The following GMDS variants were observed in gnomAD, a reference collection of about 807,000 sequenced individuals.
The protein encoded by GMDS is GDP-mannose 4,6-dehydratase, also known as GDP-mannose 4,6 dehydratase.
A neutral mutation model predicts 49.9 loss-of-function variants in GMDS; 20 were observed. The observed-to-expected ratio is 0.40, with a 90% CI of 0.28 to 0.58. The LOEUF (loss-of-function observed/expected upper bound fraction) is 0.58, where lower values mean the gene tolerates loss of function less well. Among genes scored for constraint, GMDS ranks in the 20% least tolerant of loss-of-function variants. GMDS has a pLI of 0.42. For synonymous variants in GMDS, 177 were observed against 178.6 expected (o/e 0.99, Z 0.07); for missense variants, 362 against 481.4 (o/e 0.75, Z 2.32).
Position 1,960,785 on chromosome 6 carries a change from C to T in GMDS, c.527G>A (p.Arg176Gln), listed in dbSNP as rs1473879648. The change falls in exon 5 of 11, where the codon CGG (arginine) becomes CAG (glutamine). Residue 176 changes from arginine (R) to glutamine (Q), a missense_variant. Physicochemically the swap from Arg to Gln is conservative, Grantham distance 43 (BLOSUM62 1). Transcript: ENST00000380815. ...PQKETTPFYPRSPYGAAKLYA... is the reference protein window; with the variant it reads ...PQKETTPFYPQSPYGAAKLYA... The stretch of plus-strand genomic sequence containing the variant: ...ACGCATGTTCTCACCATAGGGTGAC[C>T]GGGGATAGAAAGGGGTGGTCTCCTT... The T allele has an allele frequency of 8.8e-6, 14 of 1,595,184 alleles. No homozygotes were observed. Among genetic ancestry groups the T allele is most frequent in the African/African-American group, 4.0e-5 (3 of 74,670 alleles).
At chr6:1,829,851 C>T (rs1160712795) in intron 7 of GMDS, among the ~76,000 whole-genome samples, 2 of 152,190 alleles carry the variant, frequency 1.3e-5, no homozygotes, top group African/African-American at 4.8e-5. Context: ...CATTTTAACT[C>T]TTCAACACTT....
chr6:2,084,014 G>C (rs1772865637), intron 4 of GMDS, among the ~76,000 whole-genome samples: 1 of 152,172 alleles, frequency 6.6e-6, no homozygotes, highest in African/African-American at 2.4e-5. Flanking sequence ...TCTGGGCAGA[G>C]AAAACCAAAT....
intron 4 of GMDS, 56 bp from the exon 5 acceptor site, chr6:1,961,022 C>G: frequency 9.6e-7 from 1 of 1,040,772 alleles, no homozygotes; most frequent in Non-Finnish European, 1.4e-6. Flanking sequence ...CACAAAGGTG[C>G]TGTCAGCAGG....
chr6:2,040,055 A>G (rs537231536), intron 4 of GMDS, among the ~76,000 whole-genome samples: 1 of 152,292 alleles, frequency 6.6e-6, no homozygotes, highest in East Asian at 1.9e-4. Flanking sequence ...GCACCACTAT[A>G]ATCTTATGGT....
At chr6:1,923,995 A>G (rs968757743) in intron 7 of GMDS, among the ~76,000 whole-genome samples, 27 of 152,320 alleles carry the variant, frequency 1.8e-4, no homozygotes, top group African/African-American at 6.3e-4. Flanking sequence ...AAATTCATTC[A>G]GAGGACAAGG....
At chr6:2,103,428 A>G (rs941849188) in intron 4 of GMDS, among the ~76,000 whole-genome samples, 1 of 152,168 alleles carries the variant, frequency 6.6e-6, no homozygotes, top group African/African-American at 2.4e-5. Flanking sequence ...CCTTTAGAAT[A>G]AATTTTGTGA....
intron 9 of GMDS, among the ~76,000 whole-genome samples, chr6:1,665,247 C>T (rs527438116): frequency 2.0e-5 from 3 of 152,204 alleles, no homozygotes; most frequent in Non-Finnish European, 2.9e-5. Flanking sequence ...ATCTCTCCCC[C>T]CTCCTGGCTT....
rs542225765 is a variant in GMDS at position 1,871,522 on chromosome 6, C to A, written c.771+58581G>T. On this transcript the variant is annotated intron_variant, in intron 7 of 10. Transcript: ENST00000380815. ...GTTCCCTGACATGAGGAGTTGAAAGCAACCTTTGGTAAACTGGAATTTTTC... is the reference window on the plus strand; with the variant it reads ...GTTCCCTGACATGAGGAGTTGAAAGAAACCTTTGGTAAACTGGAATTTTTC... 2.1e-3 allele frequency among the ~76,000 whole-genome samples: 318 copies of A among 152,242 alleles called. 1 individual carries two copies. Among genetic ancestry groups the A allele is most frequent in the African/African-American group, 7.2e-3 (298 of 41,550 alleles).
intron 7 of GMDS, among the ~76,000 whole-genome samples, chr6:1,914,296 A>G (rs1179443438): frequency 1.3e-5 from 2 of 151,346 alleles, no homozygotes; most frequent in Non-Finnish European, 3.0e-5. Context: ...CTCTACTAAA[A>G]ATACAAAAAG....
chr6:1,798,956 T>A (rs1016624278), intron 7 of GMDS, among the ~76,000 whole-genome samples: 1 of 152,142 alleles, frequency 6.6e-6, no homozygotes, highest in Non-Finnish European at 1.5e-5. Flanking sequence ...TCCCCCAACT[T>A]ACTTCTGTCA....
At chr6:2,052,009 T>C (rs1770429106) in intron 4 of GMDS, among the ~76,000 whole-genome samples, 1 of 149,368 alleles carries the variant, frequency 6.7e-6, no homozygotes, top group Non-Finnish European at 1.5e-5. Flanking sequence ...CCCAGCTACA[T>C]GGGAGGCTGA....
chr6:1,877,804 G>A (rs1170791937), intron 7 of GMDS, among the ~76,000 whole-genome samples: 1 of 152,060 alleles, frequency 6.6e-6, no homozygotes, highest in African/African-American at 2.4e-5. Flanking sequence ...GGGGGTCAGT[G>A]GAATTTCACA....
intron 9 of GMDS, among the ~76,000 whole-genome samples, chr6:1,636,173 G>C (rs1014677040): frequency 1.3e-5 from 2 of 152,194 alleles, no homozygotes; most frequent in Non-Finnish European, 2.9e-5. Context: ...ACCACCAGCA[G>C]GAACCTCTTC....
chr6:1,650,591 T>A (rs1367368028), intron 9 of GMDS, among the ~76,000 whole-genome samples: 1 of 152,174 alleles, frequency 6.6e-6, no homozygotes, highest in African/African-American at 2.4e-5. Context: ...ACTTATTTAT[T>A]TTGATATAGG....
At chr6:1,746,773 C>T (rs530145625) in intron 7 of GMDS, among the ~76,000 whole-genome samples, 1 of 152,212 alleles carries the variant, frequency 6.6e-6, no homozygotes, top group Non-Finnish European at 1.5e-5. Context: ...ACAATCTCGG[C>T]TCACTGCAAC....
chr6:1,949,311 A>T (rs1047106121), intron 6 of GMDS, among the ~76,000 whole-genome samples: 26 of 152,208 alleles, frequency 1.7e-4, no homozygotes, highest in Admixed American at 3.3e-4. Flanking sequence ...TGAGTAAGTG[A>T]CGTGCCCAAA....
At chr6:2,096,096 A>G (rs2127481060) in intron 4 of GMDS, among the ~76,000 whole-genome samples, 1 of 152,330 alleles carries the variant, frequency 6.6e-6, no homozygotes, top group South Asian at 2.1e-4. Flanking sequence ...GACAGAAAGA[A>G]ACGCCAGAAT....
At chr6:1,645,761 C>T (rs758046654) in intron 9 of GMDS, among the ~76,000 whole-genome samples, 3 of 152,206 alleles carry the variant, frequency 2.0e-5, no homozygotes, top group African/African-American at 7.2e-5. Flanking sequence ...GCAGCCAGTG[C>T]CCATGGCCAC....
chr6:1,852,725 C>T (rs116484214), intron 7 of GMDS, among the ~76,000 whole-genome samples: 3 of 150,850 alleles, frequency 2.0e-5, no homozygotes, highest in Middle Eastern at 3.4e-3. Flanking sequence ...TTTTTTTTCC[C>T]GAGATGGAGT....
Sources: allele counts gnomAD v4.1 joint callset (sites outside exome capture counted in the v4.1 genomes callset), GRCh38; gene constraint gnomAD v4.1.1; transcripts MANE v1.5; gene names NCBI Gene and HGNC (gene_info 2026-07-23, HGNC 2026-07-21).